The following CPEB3 variants were observed in gnomAD, a reference collection of about 807,000 sequenced individuals.
CPEB3 encodes the protein cytoplasmic polyadenylation element binding protein 3, also known as cytoplasmic polyadenylation element-binding protein 3.
Under a neutral mutation model 67.2 loss-of-function variants are expected in CPEB3, and 20 were observed. The ratio of observed to expected loss-of-function variants is 0.30; its 90% CI spans 0.21 to 0.43. The LOEUF (loss-of-function observed/expected upper bound fraction) is 0.43, where lower values mean the gene tolerates loss of function less well. CPEB3 is among the 20% of genes least tolerant of loss of function. The pLI is 1.00. For synonymous variants in CPEB3, 376 were observed against 393.1 expected, an observed-to-expected ratio of 0.96 and a Z score of 0.51; for missense variants, 746 against 968.6, an observed-to-expected ratio of 0.77 and a Z score of 3.05.
chr10:92,277,494 C>T (rs1842044777), intron 1 of CPEB3, among the ~76,000 whole-genome samples: 1 of 152,178 alleles, frequency 6.6e-6, no homozygotes, highest in South Asian at 2.1e-4. Context: ...TTCCACTGAT[C>T]TAAATTCTAT....
At chr10:92,121,165 C>T (rs911051406) in intron 6 of CPEB3, among the ~76,000 whole-genome samples, 5 of 151,750 alleles carry the variant, frequency 3.3e-5, no homozygotes, top group Non-Finnish European at 7.4e-5. Flanking sequence ...CGTGCCACCA[C>T]ACCCAGCTAA....
At chr10:92,098,160 TAAAAAAAAAAAAAAAAAAAAAAAAAAA>T (rs1166249584) in intron 7 of CPEB3, among the ~76,000 whole-genome samples, 2 of 36,106 alleles carry the variant, frequency 5.5e-5, no homozygotes, top group Non-Finnish European at 9.3e-5. Flanking sequence ...ACACTCTGCC[TAAAAAAAAAAAAAAAAAAAAAAAAAAA>T]AAAAAAAAAA....
Position 92,203,303 on chromosome 10 carries a change from A to C in CPEB3, c.1006-10667T>G, listed in dbSNP as rs117622370. 8.7e-3 allele frequency among the ~76,000 whole-genome samples: 1,290 copies of C among 148,842 alleles called. 9 individuals are homozygous for C. Among genetic ancestry groups the C allele is most frequent in the Non-Finnish European group, 0.013 (884 of 67,472 alleles). ...TAACAGAACTATGACACTTCCGGTA[A>C]ATCATCTAACTTTAGGTACAAGACA... On this transcript the variant is annotated intron_variant, in intron 2 of 9. Coordinates refer to ENST00000265997, the MANE Select transcript of CPEB3 (RefSeq NM_014912.5).
At chr10:92,151,221 C>CT (rs1846951437) in intron 4 of CPEB3, among the ~76,000 whole-genome samples, 1 of 152,200 alleles carries the variant, frequency 6.6e-6, no homozygotes, top group Non-Finnish European at 1.5e-5. Context: ...GTGAAAGCTG[C>CT]TGGGACCTCA....
At chr10:92,216,049 A>AT (rs71025388) in intron 2 of CPEB3, among the ~76,000 whole-genome samples, 132,988 of 138,364 alleles carry the variant, frequency 0.96, 64,012 homozygotes, top group South Asian at 0.99. Context: ...CGCCCAGCTC[A>AT]TTTTTTTTTT....
chr10:92,253,889 G>A (rs1290027636), intron 1 of CPEB3, among the ~76,000 whole-genome samples: 2 of 152,004 alleles, frequency 1.3e-5, no homozygotes, highest in African/African-American at 4.8e-5. Context: ...CTATGTGCCA[G>A]GCTGTACTAG....
intron 9 of CPEB3, among the ~76,000 whole-genome samples, chr10:92,071,889 C>T (rs833385): frequency 6.6e-6 from 1 of 151,918 alleles, no homozygotes; most frequent in Non-Finnish European, 1.5e-5. Flanking sequence ...ATTTAAAAAA[C>T]TGGATTTAGC....
chr10:92,078,894 A>G (rs1361699682), intron 9 of CPEB3, among the ~76,000 whole-genome samples: 1 of 152,326 alleles, frequency 6.6e-6, no homozygotes, highest in East Asian at 1.9e-4. Flanking sequence ...AATGACTACT[A>G]TAAATCCCTG....
chr10:92,139,289 TAAAAAAA>T (rs3048542), intron 6 of CPEB3, among the ~76,000 whole-genome samples: 1,224 of 71,166 alleles, frequency 0.017, 22 homozygotes, highest in African/African-American at 0.042. Context: ...CACACACACA[TAAAAAAA>T]AAAAAAAAAA....
chr10:92,158,364 A>G (rs1847305606), intron 4 of CPEB3, among the ~76,000 whole-genome samples: 1 of 152,222 alleles, frequency 6.6e-6, no homozygotes, highest in African/African-American at 2.4e-5. Context: ...TATTATCTAT[A>G]TCAGACATAG....
In CPEB3 at chr10:92,050,112, A is replaced by G. The variant is rs756184034; in HGVS notation, c.*2100T>C. ...AACTTTTGAAAACTGTCTAGAATAC[A>G]AAAAGTAGTAGTGCATAACAAAATT... On this transcript the variant is annotated 3_prime_UTR_variant, in exon 10 of 10. Coordinates refer to ENST00000265997, the MANE Select transcript of CPEB3 (RefSeq NM_014912.5). 3 of 152,518 alleles carry G rather than the reference A, an allele frequency of 2.0e-5. No individual in the cohort carries two copies. Among genetic ancestry groups the G allele is most frequent in the Non-Finnish European group, 4.4e-5 (3 of 68,038 alleles). 9.4% of individuals were successfully genotyped at this position (152,518 alleles called of 1,614,324 possible). A position where few individuals can be genotyped will look rare whatever the true frequency, so the allele number is the denominator to read the frequency against.
At chr10:92,259,744 T>C (rs1444592545) in intron 1 of CPEB3, among the ~76,000 whole-genome samples, 1 of 152,218 alleles carries the variant, frequency 6.6e-6, no homozygotes, top group African/African-American at 2.4e-5. Context: ...CAACTTATCT[T>C]TTTTTCTTTC....
At chr10:92,119,514 C>T (rs959433607) in intron 6 of CPEB3, among the ~76,000 whole-genome samples, 5 of 152,160 alleles carry the variant, frequency 3.3e-5, no homozygotes, top group Non-Finnish European at 5.9e-5. Flanking sequence ...ACAATACCAG[C>T]TCTGTGGCTT....
At chr10:92,127,116 T>C (rs528959298) in intron 6 of CPEB3, among the ~76,000 whole-genome samples, 2 of 152,218 alleles carry the variant, frequency 1.3e-5, no homozygotes, top group South Asian at 4.1e-4. Flanking sequence ...TTTCAGGTCA[T>C]AATAAGCATT....
At chr10:92,225,521 C>CA (rs1241887018) in intron 2 of CPEB3, among the ~76,000 whole-genome samples, 4 of 151,156 alleles carry the variant, frequency 2.6e-5, no homozygotes, top group South Asian at 2.1e-4. Flanking sequence ...CAAAACAAAA[C>CA]AAAAAAAACA....
chr10:92,289,732 AATAT>A lies in CPEB3; in HGVS notation c.-12+1190_-12+1193del, dbSNP rs71025390. Among the ~76,000 whole-genome samples, 340 of 75,462 alleles carry A rather than the reference AATAT, an allele frequency of 4.5e-3. 6 individuals carry two copies. The highest frequency in any genetic ancestry group is 8.4e-3 in the East Asian group (29 of 3,468). 49.5% of individuals were successfully genotyped at this position (75,462 alleles called of 152,430 possible). On this transcript the variant is annotated intron_variant, in intron 1 of 9. Coordinates refer to ENST00000265997, the MANE Select transcript of CPEB3 (RefSeq NM_014912.5). ...CGCGTCTCTACCAAAAAAAAAAAAA[AATAT>A]ATATATATATATATATATATATGTA... is the stretch of plus-strand genomic sequence containing the variant.
At chr10:92,116,102 T>C (rs762428899) in intron 6 of CPEB3, among the ~76,000 whole-genome samples, 4 of 150,988 alleles carry the variant, frequency 2.6e-5, no homozygotes, top group Admixed American at 6.6e-5. Context: ...GCTTTGCCTC[T>C]GCCCCCCACT....
intron 1 of CPEB3, among the ~76,000 whole-genome samples, chr10:92,241,790 T>C (rs1313439066): frequency 3.3e-5 from 5 of 152,204 alleles, no homozygotes; most frequent in Non-Finnish European, 5.9e-5. Flanking sequence ...ATTACAGTGC[T>C]GAGACCCTAA....
chr10:92,184,314 G>C (rs2134110965), intron 3 of CPEB3, among the ~76,000 whole-genome samples: 1 of 152,236 alleles, frequency 6.6e-6, no homozygotes, highest in African/African-American at 2.4e-5. Flanking sequence ...GATTTTATAA[G>C]AAACTCCAGG....
Sources: gnomAD v4.1 joint callset for allele counts (sites outside exome capture counted in the v4.1 genomes callset) on GRCh38, gnomAD v4.1.1 for gene constraint, MANE v1.5 for transcripts, NCBI Gene and HGNC (gene_info 2026-07-23, HGNC 2026-07-21) for gene names.